LNX1: variants seen among roughly 807,000 people sequenced by gnomAD.
The protein encoded by LNX1 is E3 ubiquitin-protein ligase LNX.
LNX1 carries 54 observed loss-of-function variants against 68.4 expected under a neutral mutation model. The ratio of observed to expected loss-of-function variants is 0.79; its 90% confidence interval spans 0.63 to 0.99. The LOEUF is 0.99. Among genes scored for constraint, LNX1 ranks in the 50% least tolerant of loss-of-function variants. LNX1 has a pLI of 0.00. For synonymous variants in LNX1, 336 were observed against 350.0 expected (o/e 0.96, Z 0.45); for missense variants, 906 against 926.4 (o/e 0.98, Z 0.29).
chr4:53,583,515 A>G (rs1315914017), intron 1 of LNX1, among the ~76,000 whole-genome samples: 1 of 152,004 alleles, frequency 6.6e-6, no homozygotes, highest in Non-Finnish European at 1.5e-5. Context: ...TGTGAATGAC[A>G]TTAGCCTGTA....
chr4:53,460,701 C>A lies in LNX1; in HGVS notation c.*206G>T, dbSNP rs1283677814. On this transcript the variant is annotated 3_prime_UTR_variant, in exon 11 of 11. Coordinates refer to ENST00000263925, the MANE Select transcript of LNX1 (RefSeq NM_001126328.3). ...ATGTTGTAGAGTAATGAGAAATCCTCCACACTGAAAAAAAACTAGTAGTTT... is the reference window on the plus strand; with the variant it reads ...ATGTTGTAGAGTAATGAGAAATCCTACACACTGAAAAAAAACTAGTAGTTT... 1 of 514,818 alleles carries A rather than the reference C, an allele frequency of 1.9e-6. No homozygotes were observed. Among genetic ancestry groups the A allele is most frequent in the African/African-American group, 2.0e-5 (1 of 49,666 alleles). The allele number at this position is 514,818 out of a possible 1,614,324, so 31.9% of individuals were successfully genotyped here.
intron 1 of LNX1, among the ~76,000 whole-genome samples, chr4:53,580,230 C>T (rs1271154374): frequency 1.3e-5 from 2 of 152,158 alleles, no homozygotes; most frequent in Non-Finnish European, 2.9e-5. Flanking sequence ...CAAGTGCCAC[C>T]GTTACCCTAG....
chr4:53,561,362 G>A (rs1730273306), intron 2 of LNX1, among the ~76,000 whole-genome samples: 2 of 151,966 alleles, frequency 1.3e-5, no homozygotes, highest in Admixed American at 1.3e-4. Context: ...CGAGTAGCTG[G>A]GACTACAGGC....
In LNX1 at chr4:53,573,164, G is replaced by A. The variant is rs879820686; in HGVS notation, c.380+459C>T. ...AAAAGGACAAATACTGTATGATGTC[G>A]TTGATATGAAGCACTTAGAGCAGTC... is the stretch of plus-strand genomic sequence containing the variant. On this transcript the variant is annotated intron_variant, in intron 2 of 10. Transcript: ENST00000263925. Among the ~76,000 whole-genome samples the A allele has an allele frequency of 3.9e-5, 6 of 152,148 alleles. No homozygotes were observed. In the East Asian group the frequency reaches 5.8e-4, roughly 15 times the overall value.
chr4:53,612,471 C>T (rs571176820), intron 2 of LNX1, among the ~76,000 whole-genome samples: 7 of 152,240 alleles, frequency 4.6e-5, no homozygotes, highest in African/African-American at 1.7e-4. Context: ...ATTAGAAAAG[C>T]TAAGTGTTTT....
At chr4:53,593,371 G>A (rs1245934888), upstream of LNX1, among the ~76,000 whole-genome samples, 1 of 152,322 alleles carries the variant, frequency 6.6e-6, no homozygotes, top group South Asian at 2.1e-4. Flanking sequence ...GGCCTTGGGT[G>A]GGCAGGGGAA....
chr4:53,503,734 A>AG (rs1382217214), intron 4 of LNX1, among the ~76,000 whole-genome samples: 1 of 152,214 alleles, frequency 6.6e-6, no homozygotes, highest in Non-Finnish European at 1.5e-5. Flanking sequence ...CCCGAACAAG[A>AG]GAGCCAGCCT....
chr4:53,616,938 C>T (rs1169834823), intron 1 of LNX1, among the ~76,000 whole-genome samples: 2 of 152,102 alleles, frequency 1.3e-5, no homozygotes. Context: ...TATAAAAGTT[C>T]CCTGACTATA....
At chr4:53,651,376 G>A (rs1012524282) in intron 1 of LNX1, among the ~76,000 whole-genome samples, 1 of 152,236 alleles carries the variant, frequency 6.6e-6, no homozygotes, top group Non-Finnish European at 1.5e-5. Flanking sequence ...CAGTGTTGGA[G>A]CAGGGAACAT....
chr4:53,495,979 G>A (rs762338879), intron 6 of LNX1, 44 bp downstream of exon 6: 4 of 1,579,868 alleles, frequency 2.5e-6, no homozygotes, highest in African/African-American at 2.7e-5. Flanking sequence ...TCTTGCTCAT[G>A]TCCGGGGTTT....
intron 2 of LNX1, among the ~76,000 whole-genome samples, chr4:53,515,770 G>C (rs567068335): frequency 6.6e-6 from 1 of 152,122 alleles, no homozygotes; most frequent in Non-Finnish European, 1.5e-5. Flanking sequence ...GGCACAGCAC[G>C]GAGGAAAAAG....
Position 53,461,577 on chromosome 4 carries a change from T to G in LNX1, c.1909A>C (p.Lys637Gln). ...LELPRCLYNC[K>Q]DIVLRRNTAG... The stretch of plus-strand genomic sequence containing the variant: ...GTGTTTCTTCGTAATACAATATCTT[T>G]ACAGTTATACAAGCACCTGAAATAG... The change falls in exon 10 of 11, where the codon AAA (lysine) becomes CAA (glutamine). Residue 637 changes from lysine (K) to glutamine (Q), a missense_variant. Physicochemically the swap from Lys to Gln is moderately conservative, Grantham distance 53. Transcript: ENST00000263925. 2 of 1,610,848 alleles carry G rather than the reference T, an allele frequency of 1.2e-6. No individual in the cohort carries two copies. The highest frequency in any genetic ancestry group is 1.3e-5 in the African/African-American group (1 of 74,886).
At chr4:53,482,908 T>G (rs1724040198) in intron 6 of LNX1, among the ~76,000 whole-genome samples, 1 of 152,220 alleles carries the variant, frequency 6.6e-6, no homozygotes, top group African/African-American at 2.4e-5. Flanking sequence ...TCTTTATTTT[T>G]TATGGAACTA....
At chr4:53,571,922 A>C (rs1164499214) in intron 2 of LNX1, among the ~76,000 whole-genome samples, 1 of 151,986 alleles carries the variant, frequency 6.6e-6, no homozygotes, top group South Asian at 2.1e-4. Context: ...CAGCCTCCCA[A>C]AATGCTGGGA....
intron 2 of LNX1, among the ~76,000 whole-genome samples, chr4:53,542,505 T>C (rs1728830861): frequency 1.3e-5 from 2 of 152,156 alleles, no homozygotes; most frequent in Admixed American, 6.5e-5. Flanking sequence ...ACCATCACAT[T>C]GATCTGAATC....
chr4:53,589,776 C>A lies in LNX1; in HGVS notation c.-87+1612G>T, dbSNP rs530136883. Among the ~76,000 whole-genome samples the A allele has an allele frequency of 2.0e-5, 3 of 152,324 alleles. No individual in the cohort carries two copies. The South Asian group carries it at 6.2e-4, about 32-fold the overall frequency. On this transcript the variant is annotated intron_variant, in intron 1 of 10. Transcript: ENST00000263925. ...CTGGACAGGACTTGTGTGTAAATTA[C>A]CCAACAGACCAACTGCATTCTAGTC...
intron 2 of LNX1, among the ~76,000 whole-genome samples, chr4:53,562,629 C>T (rs1239789239): frequency 6.6e-6 from 1 of 152,134 alleles, no homozygotes; most frequent in Non-Finnish European, 1.5e-5. Flanking sequence ...CTGCCTGTAC[C>T]CTGACTTAAG....
intron 2 of LNX1, among the ~76,000 whole-genome samples, chr4:53,551,713 T>C (rs1257113471): frequency 1.3e-5 from 2 of 152,126 alleles, no homozygotes; most frequent in Non-Finnish European, 2.9e-5. Context: ...CCGGCTGATC[T>C]CAAGTCACCC....
At chr4:53,477,628 C>A (rs906858696) in intron 8 of LNX1, among the ~76,000 whole-genome samples, 2 of 152,182 alleles carry the variant, frequency 1.3e-5, no homozygotes, top group African/African-American at 2.4e-5. Context: ...TTGGCCTCAT[C>A]ATTTTCCACC....
Sources: allele counts gnomAD v4.1 joint callset (sites outside exome capture counted in the v4.1 genomes callset), GRCh38; gene constraint gnomAD v4.1.1; transcripts MANE v1.5; gene names NCBI Gene and HGNC (gene_info 2026-07-23, HGNC 2026-07-21).